BTBD10: variants seen among roughly 807,000 people sequenced by gnomAD.
BTBD10 encodes BTB domain containing 10.
In BTBD10, 21 loss-of-function variants were observed where a neutral mutation model predicts 53.2. That is an observed-to-expected ratio of 0.39 (90% CI 0.28 to 0.57). BTBD10 has a LOEUF of 0.57. Ranked by LOEUF, BTBD10 falls within the 20% of genes least tolerant of loss-of-function variation. The probability of loss-of-function intolerance (pLI) is 0.53; values close to 1 mark genes in which losing one functional copy is unlikely to be tolerated. For synonymous variants in BTBD10, 149 were observed against 192.7 expected, an observed-to-expected ratio of 0.77 and a Z score of 1.88; for missense variants, 360 against 594.7, an observed-to-expected ratio of 0.61 and a Z score of 4.10.
intron 7 of BTBD10, among the ~76,000 whole-genome samples, chr11:13,404,968 T>C (rs577238988): frequency 9.9e-5 from 15 of 152,270 alleles, no homozygotes; most frequent in Admixed American, 2.6e-4. Flanking sequence ...AAGAAGATGC[T>C]AGGCTATTTT....
At chr11:13,392,520 A>G (rs1354679515) in intron 8 of BTBD10, among the ~76,000 whole-genome samples, 1 of 152,208 alleles carries the variant, frequency 6.6e-6, no homozygotes, top group Non-Finnish European at 1.5e-5. Context: ...CTACTCTTTA[A>G]TAAAGAGTAA....
At chr11:13,428,516 A>T (rs1950388678) in intron 2 of BTBD10, among the ~76,000 whole-genome samples, 1 of 152,080 alleles carries the variant, frequency 6.6e-6, no homozygotes, top group Non-Finnish European at 1.5e-5. Flanking sequence ...TACCTAAACA[A>T]CTCACAGAGC....
At chr11:13,459,503 C>A (rs934024351) in intron 1 of BTBD10, among the ~76,000 whole-genome samples, 1 of 152,128 alleles carries the variant, frequency 6.6e-6, no homozygotes, top group Non-Finnish European at 1.5e-5. Flanking sequence ...TTTAATAGTT[C>A]TTTCTCCATT....
At chr11:13,409,038 T>C (rs1013089316) in intron 6 of BTBD10, among the ~76,000 whole-genome samples, 1 of 152,154 alleles carries the variant, frequency 6.6e-6, no homozygotes, top group Non-Finnish European at 1.5e-5. Context: ...CCGTCCCATA[T>C]CTTCCAATCT....
chr11:13,437,162 A>C (rs757371019), intron 2 of BTBD10, among the ~76,000 whole-genome samples: 1 of 152,230 alleles, frequency 6.6e-6, no homozygotes, highest in Non-Finnish European at 1.5e-5. Context: ...GAATATTCAC[A>C]GAACTAAAAA....
intron 8 of BTBD10, among the ~76,000 whole-genome samples, chr11:13,391,470 T>C (rs1484337454): frequency 6.6e-6 from 1 of 152,226 alleles, no homozygotes; most frequent in Non-Finnish European, 1.5e-5. Flanking sequence ...CCTTTTTGTA[T>C]GTCTGACTCT....
At chr11:13,397,465 A>G (rs1170371897) in intron 8 of BTBD10, among the ~76,000 whole-genome samples, 1 of 151,768 alleles carries the variant, frequency 6.6e-6, no homozygotes, top group African/African-American at 2.4e-5. Context: ...GCAGTCTATC[A>G]ATTTTGTTGA....
At chr11:13,461,952 C>T (rs1394557120) in intron 1 of BTBD10, among the ~76,000 whole-genome samples, 1 of 143,314 alleles carries the variant, frequency 7.0e-6, no homozygotes, top group African/African-American at 2.6e-5. Flanking sequence ...TTTTTTTTAC[C>T]AGTCTTGGTC....
At chr11:13,434,992 A>G (rs1950521292) in intron 2 of BTBD10, among the ~76,000 whole-genome samples, 1 of 152,212 alleles carries the variant, frequency 6.6e-6, no homozygotes, top group South Asian at 2.1e-4. Context: ...AGGTTTAGAA[A>G]TGTAGGTATA....
intron 3 of BTBD10, 142 bp from the exon 4 acceptor site, chr11:13,419,887 C>T: frequency 1.2e-6 from 1 of 840,050 alleles, no homozygotes; most frequent in Non-Finnish European, 1.7e-6. Flanking sequence ...AAGATGTTAA[C>T]AGAACACCAT....
chr11:13,434,735 C>T (rs1245609295), intron 2 of BTBD10, among the ~76,000 whole-genome samples: 5 of 152,172 alleles, frequency 3.3e-5, no homozygotes, highest in African/African-American at 1.2e-4. Flanking sequence ...ACCAGGAGAC[C>T]ATTTCAGATG....
In BTBD10 at chr11:13,401,965, C is replaced by T. The variant is rs571695207; in HGVS notation, c.1117+1203G>A. ...ACACTTTTGCACTTGCTATTTTCTCCGTCTAGAACCATTTTTGTCACCAGG... is the reference window on the plus strand; with the variant it reads ...ACACTTTTGCACTTGCTATTTTCTCTGTCTAGAACCATTTTTGTCACCAGG... On this transcript the variant is annotated intron_variant, in intron 8 of 8. Transcript: ENST00000278174. Among the ~76,000 whole-genome samples the T allele has an allele frequency of 4.6e-5, 7 of 152,286 alleles. 1 individual carries two copies. The South Asian group carries it at 1.5e-3, about 32-fold the overall frequency.
intron 8 of BTBD10, among the ~76,000 whole-genome samples, chr11:13,389,383 T>A (rs920059762): frequency 6.6e-6 from 1 of 151,828 alleles, no homozygotes; most frequent in African/African-American, 2.4e-5. Context: ...CAAAAAAACA[T>A]TATTAAAGTA....
At chr11:13,427,154 C>T (rs1188116690) in intron 2 of BTBD10, among the ~76,000 whole-genome samples, 1 of 152,102 alleles carries the variant, frequency 6.6e-6, no homozygotes, top group Non-Finnish European at 1.5e-5. Flanking sequence ...GAGGTCAAGG[C>T]TGCAGTGAGC....
chr11:13,458,096 G>C (rs1228848365), intron 1 of BTBD10, among the ~76,000 whole-genome samples: 1 of 124,566 alleles, frequency 8.0e-6, no homozygotes. Flanking sequence ...GAGCCCAGAA[G>C]TTCAAGGTCA....
At chr11:13,411,776 T>C (rs1354831222) in intron 6 of BTBD10, among the ~76,000 whole-genome samples, 1 of 152,058 alleles carries the variant, frequency 6.6e-6, no homozygotes, top group Non-Finnish European at 1.5e-5. Context: ...AATGGTCGTA[T>C]GAATAGACAC....
rs201973108 is a variant in BTBD10 at position 13,400,873 on chromosome 11, C to T, written c.1117+2295G>A. Among the ~76,000 whole-genome samples the T allele has an allele frequency of 1.9e-4, 29 of 152,150 alleles. No individual in the cohort carries two copies. In the East Asian group the frequency reaches 5.2e-3, roughly 27 times the overall value. On this transcript the variant is annotated intron_variant, in intron 8 of 8. Transcript: ENST00000278174. ...TACAAGACAACTGGCCCAGACTCTT[C>T]AATAGGACAATATCATAAATAAGGA... is the stretch of plus-strand genomic sequence containing the variant.
rs1949404936 is a variant in BTBD10 at position 13,391,530 on chromosome 11, G to A, written c.1118-2389C>T. On this transcript the variant is annotated intron_variant, in intron 8 of 8. Transcript: ENST00000278174. ...ATGGCTTTGACTTTATGAACAATTTGTTGGTGTATCCTCAGTGCCTAGCAT... is the reference window on the plus strand; with the variant it reads ...ATGGCTTTGACTTTATGAACAATTTATTGGTGTATCCTCAGTGCCTAGCAT... Among the ~76,000 whole-genome samples, 3 of 152,156 alleles carry A rather than the reference G, an allele frequency of 2.0e-5. No individual in the cohort carries two copies. The South Asian group carries it at 6.2e-4, about 32-fold the overall frequency.
At chr11:13,427,241 C>CA (rs1337339757) in intron 2 of BTBD10, among the ~76,000 whole-genome samples, 1 of 148,850 alleles carries the variant, frequency 6.7e-6, no homozygotes, top group Non-Finnish European at 1.5e-5. Context: ...AATAATAAGC[C>CA]AGGTCCAACT....
Sources: gnomAD v4.1 joint callset for allele counts (sites outside exome capture counted in the v4.1 genomes callset) on GRCh38, gnomAD v4.1.1 for gene constraint, MANE v1.5 for transcripts, NCBI Gene and HGNC (gene_info 2026-07-23, HGNC 2026-07-21) for gene names.